The following CATSPER4 variants were observed in gnomAD, a reference collection of about 807,000 sequenced individuals.
CATSPER4 encodes the protein cation channel sperm associated 4, also known as cation channel sperm-associated protein 4.
Under a neutral mutation model 54.4 loss-of-function variants are expected in CATSPER4, and 46 were observed. The observed-to-expected ratio is 0.84, with a 90% CI of 0.67 to 1.08. CATSPER4 has a LOEUF of 1.08. CATSPER4 is among the 50% of genes least tolerant of loss of function. The pLI, the probability that CATSPER4 is intolerant of heterozygous loss-of-function variation, is 0.00. For synonymous variants in CATSPER4, 230 were observed against 231.9 expected (o/e 0.99, Z 0.08); for missense variants, 574 against 612.8 (o/e 0.94, Z 0.67).
intron 3 of CATSPER4, among the ~76,000 whole-genome samples, chr1:26,196,402 CTTTTTTTTTT>C (rs58507291): frequency 2.4e-5 from 2 of 82,456 alleles, no homozygotes; most frequent in Non-Finnish European, 4.6e-5. Flanking sequence ...TTTTCTTTTC[CTTTTTTTTTT>C]TTTTTTTTTT....
At chr1:26,193,690 G>T in intron 2 of CATSPER4, 97 bp from the exon 3 acceptor site, 1 of 801,924 alleles carries the variant, frequency 1.2e-6, no homozygotes, top group Non-Finnish European at 2.2e-6. Flanking sequence ...AGTGATACGG[G>T]ACTTCCCTCC....
Position 26,198,002 on chromosome 1 carries a change from C to T in CATSPER4, c.603C>T (p.Ala201=). The T allele has an allele frequency of 6.2e-7, 1 of 1,613,916 alleles. No homozygotes were observed. Among genetic ancestry groups the T allele is most frequent in the Non-Finnish European group, 8.5e-7 (1 of 1,179,986 alleles). ...TGTGCATGGCGGTGGAGCCCCTCGC[C>T]CGGATCATCCGCGTCATCCTGCAGT... ...VHVCMAVEPL[A]RIIRVILQSV... is the part of the protein sequence containing the mutation. The change falls in exon 5 of 10, where the codon GCC becomes GCT. Residue 201 remains alanine (A), a synonymous_variant. Coordinates refer to ENST00000456354, the MANE Select transcript of CATSPER4 (RefSeq NM_198137.2).
intron 2 of CATSPER4, among the ~76,000 whole-genome samples, 194 bp from the exon 3 acceptor site, chr1:26,193,593 G>A (rs894154484): frequency 4.6e-5 from 7 of 152,336 alleles, no homozygotes; most frequent in African/African-American, 1.7e-4. Flanking sequence ...ATGAAGTGAT[G>A]TGTGATAGCC....
At chr1:26,196,948 C>T (rs1336694113) in intron 3 of CATSPER4, among the ~76,000 whole-genome samples, 1 of 141,608 alleles carries the variant, frequency 7.1e-6, no homozygotes, top group African/African-American at 2.6e-5. Flanking sequence ...CACTCTGTCA[C>T]CCAGGCTGGA....
At chr1:26,197,164 C>T (rs1202459695) in intron 3 of CATSPER4, among the ~76,000 whole-genome samples, 1 of 152,132 alleles carries the variant, frequency 6.6e-6, no homozygotes, top group Non-Finnish European at 1.5e-5. Context: ...CCTCAGACTC[C>T]CAAAGTGCTG....
chr1:26,202,032 T>G (rs1036809182), intron 9 of CATSPER4, among the ~76,000 whole-genome samples: 2 of 152,192 alleles, frequency 1.3e-5, no homozygotes. Context: ...TCACTGCCTA[T>G]CTGGTTAGGT....
At chr1:26,199,816 T>G in intron 6 of CATSPER4, 68 bp from the exon 7 acceptor site, 1 of 1,576,224 alleles carries the variant, frequency 6.3e-7, no homozygotes, top group East Asian at 2.2e-5. Flanking sequence ...ATTTTCCCAT[T>G]TCAATGACAA....
Position 26,193,804 on chromosome 1 carries a change from C to T in CATSPER4, c.375C>T (p.Phe125=), listed in dbSNP as rs144202417. The T allele has an allele frequency of 1.1e-5, 17 of 1,612,478 alleles. No individual in the cohort carries two copies. Among genetic ancestry groups the T allele is most frequent in the Admixed American group, 3.3e-5 (2 of 60,000 alleles). ...SYLDQKHYEL[F]STIDDIVLTI... ...CCATGTAGAAACACTATGAGTTGTT[C>T]TCTACCATAGATGACATTGTGCTGA... Residue 125 remains phenylalanine (F), a synonymous_variant, in exon 3 of 10, where the codon TTC becomes TTT. Transcript: ENST00000456354.
At chr1:26,192,656 G>A (rs2088885351) in intron 2 of CATSPER4, among the ~76,000 whole-genome samples, 1 of 150,882 alleles carries the variant, frequency 6.6e-6, no homozygotes, top group Admixed American at 6.6e-5. Flanking sequence ...GGAACTCCTG[G>A]GCTCAAGCAA....
Position 26,191,437 on chromosome 1 carries a change from T to G in CATSPER4, c.357+7T>G. 6.2e-7 allele frequency: 1 copy of G among 1,614,028 alleles called. No individual in the cohort carries two copies. Among genetic ancestry groups the G allele is most frequent in the South Asian group, 1.1e-5 (1 of 91,070 alleles). The stretch of plus-strand genomic sequence containing the variant: ...CAACTCCTACCTGGACCAGGTGGGA[T>G]GCCAGCATGACCTCTGCCCCACTAA... On this transcript the variant is annotated splice_region_variant and intron_variant, in intron 2 of 9. Transcript: ENST00000456354.
chr1:26,197,827 C>G (rs200675362), intron 4 of CATSPER4, 44 bp downstream of exon 4: 4 of 1,606,992 alleles, frequency 2.5e-6, no homozygotes, highest in Middle Eastern at 1.7e-4. Flanking sequence ...CTATCTGGAA[C>G]CCAGGAATGA....
rs1432603281 is a variant in CATSPER4 at position 26,201,364 on chromosome 1, G to C, written c.1210G>C (p.Glu404Gln). 1 of 1,613,950 alleles carries C rather than the reference G, an allele frequency of 6.2e-7. No homozygotes were observed. Among genetic ancestry groups the C allele is most frequent in the Non-Finnish European group, 8.5e-7 (1 of 1,180,024 alleles). The change falls in exon 9 of 10, where the codon GAG (glutamate) becomes CAG (glutamine). Residue 404 changes from glutamate to glutamine, a missense_variant. Transcript: ENST00000456354. ...CTGCTCCACCCCCAGGATTGTGGAG[G>C]AGGTGCGCGCAATCCGCTTCAACCA... ...IRDELNMIVE[E>Q]VRAIRFNQEQ...
chr1:26,196,027 G>A (rs12732022), intron 3 of CATSPER4, among the ~76,000 whole-genome samples: 39,533 of 151,762 alleles, frequency 0.26, 5,878 homozygotes, highest in Non-Finnish European at 0.33. Context: ...TCGATCTTCC[G>A]TTTCCTAACA....
chr1:26,192,701 A>G (rs1185783283), intron 2 of CATSPER4, among the ~76,000 whole-genome samples: 1 of 152,160 alleles, frequency 6.6e-6, no homozygotes, highest in East Asian at 2.0e-4. Flanking sequence ...TGCTGAGATT[A>G]TAGGTGTGAG....
rs547432973 is a variant in CATSPER4 at position 26,199,820 on chromosome 1, A to G, written c.813-64A>G. The G allele has an allele frequency of 1.7e-5, 27 of 1,580,576 alleles. No individual in the cohort carries two copies. The East Asian group carries it at 2.9e-4, about 17-fold the overall frequency. ...GCCTTGGGATGATTTTCCCATTTCA[A>G]TGACAAGGAAACTCAGGCTTGAAGG... On this transcript the variant is annotated intron_variant, in intron 6 of 9. Coordinates refer to ENST00000456354, the MANE Select transcript of CATSPER4 (RefSeq NM_198137.2).
At chr1:26,196,909 C>CTTTGT (rs1557630799) in intron 3 of CATSPER4, among the ~76,000 whole-genome samples, 1 of 97,244 alleles carries the variant, frequency 1.0e-5, no homozygotes, top group African/African-American at 4.5e-5. Flanking sequence ...TCTTTCTTTT[C>CTTTGT]TTTCTTTTTT....
At chr1:26,190,877 C>G (rs370569792) in intron 1 of CATSPER4, 37 bp downstream of exon 1, 225 of 1,556,474 alleles carry the variant, frequency 1.4e-4, no homozygotes, top group Non-Finnish European at 1.9e-4. Context: ...GCCCCTTCTG[C>G]AGCTGTGCTC....
chr1:26,201,524 G>A lies in CATSPER4; in HGVS notation c.1365+5G>A. The A allele has an allele frequency of 6.2e-7, 1 of 1,613,974 alleles. No individual in the cohort carries two copies. Among genetic ancestry groups the A allele is most frequent in the Non-Finnish European group, 8.5e-7 (1 of 1,179,946 alleles). ...GCGCTCGTTAGCATGGAAAAGGTGTGCCTTCCTTCTCCTACCCAATGGGTA... is the reference window on the plus strand; with the variant it reads ...GCGCTCGTTAGCATGGAAAAGGTGTACCTTCCTTCTCCTACCCAATGGGTA... On this transcript the variant is annotated splice_donor_5th_base_variant and intron_variant, in intron 9 of 9. Transcript: ENST00000456354.
Position 26,202,717 on chromosome 1 carries a change from C to G in CATSPER4, c.*175C>G, listed in dbSNP as rs538754810. On this transcript the variant is annotated 3_prime_UTR_variant, in exon 10 of 10. Transcript: ENST00000456354. ...CTGCAGGTCTGGTGCCTGTGAGCCC[C>G]AGGTCCGGTGGAGCAAGGAGAGAGG... is the stretch of plus-strand genomic sequence containing the variant. The G allele has an allele frequency of 1.5e-6, 1 of 662,270 alleles. No homozygotes were observed. The highest frequency in any genetic ancestry group is 1.8e-5 in the South Asian group (1 of 57,026). 41.0% of individuals were successfully genotyped at this position (662,270 alleles called of 1,614,324 possible).
Sources: gnomAD v4.1 joint callset for allele counts (sites outside exome capture counted in the v4.1 genomes callset) on GRCh38, gnomAD v4.1.1 for gene constraint, MANE v1.5 for transcripts, NCBI Gene and HGNC (gene_info 2026-07-23, HGNC 2026-07-21) for gene names.